Variants in FGD4 observed in about 807,000 individuals in gnomAD.
The protein encoded by FGD4 is FYVE, RhoGEF and PH domain containing 4.
A neutral mutation model predicts 102.0 loss-of-function variants in FGD4; 42 were observed. The ratio of observed to expected loss-of-function variants is 0.41; its 90% CI spans 0.32 to 0.53. FGD4 has a LOEUF of 0.53. Among genes scored for constraint, FGD4 ranks in the 20% least tolerant of loss-of-function variants. The probability of loss-of-function intolerance (pLI) is 0.21; values close to 1 mark genes in which losing one functional copy is unlikely to be tolerated. For missense variants in FGD4, 902 were observed against 1,078.2 expected (o/e 0.84, Z 2.29); for synonymous variants, 380 against 375.7 (o/e 1.01, Z -0.13).
chr12:32,436,331 CCT>C (rs1409370296), intron 1 of FGD4, among the ~76,000 whole-genome samples: 1 of 152,126 alleles, frequency 6.6e-6, no homozygotes, highest in East Asian at 1.9e-4. Context: ...TTCAGGAACA[CCT>C]GTATCTTTTC....
intron 2 of FGD4, among the ~76,000 whole-genome samples, chr12:32,566,215 G>T (rs546830536): frequency 5.1e-4 from 78 of 152,118 alleles, no homozygotes; most frequent in Non-Finnish European, 1.0e-3. Flanking sequence ...TAACCTCACA[G>T]GGTGGAAGGG....
chr12:32,555,644 T>C (rs1396665774), intron 1 of FGD4, among the ~76,000 whole-genome samples: 1 of 146,020 alleles, frequency 6.8e-6, no homozygotes, highest in Non-Finnish European at 1.5e-5. Flanking sequence ...CCATCTCGGC[T>C]CACTGCAAGC....
At chr12:32,606,984 G>A (rs1948822535) in intron 7 of FGD4, among the ~76,000 whole-genome samples, 1 of 152,118 alleles carries the variant, frequency 6.6e-6, no homozygotes, top group African/African-American at 2.4e-5. Context: ...TAAGTTCAAA[G>A]GCAATGACAT....
At chr12:32,479,889 A>G (rs957643274) in intron 1 of FGD4, among the ~76,000 whole-genome samples, 2 of 149,178 alleles carry the variant, frequency 1.3e-5, no homozygotes, top group Non-Finnish European at 3.0e-5. Context: ...CCCAAGTTCA[A>G]GTGATTCTCC....
At chr12:32,482,899 A>C (rs1246699974) in intron 1 of FGD4, among the ~76,000 whole-genome samples, 1 of 152,200 alleles carries the variant, frequency 6.6e-6, no homozygotes, top group Non-Finnish European at 1.5e-5. Flanking sequence ...CTGGAAAGTT[A>C]CTTTCTCAGT....
chr12:32,509,392 C>T (rs1469645547), intron 1 of FGD4, among the ~76,000 whole-genome samples: 2 of 151,700 alleles, frequency 1.3e-5, no homozygotes, highest in African/African-American at 2.4e-5. Flanking sequence ...TTAAGAAGTC[C>T]TCAGGTGGTT....
intron 1 of FGD4, among the ~76,000 whole-genome samples, chr12:32,543,400 C>T (rs1219424087): frequency 3.3e-5 from 5 of 152,084 alleles, no homozygotes; most frequent in Non-Finnish European, 7.4e-5. Context: ...AACTCAGTCT[C>T]CAGGCACTCT....
At chr12:32,497,903 C>T (rs1336805117) in intron 1 of FGD4, among the ~76,000 whole-genome samples, 1 of 152,168 alleles carries the variant, frequency 6.6e-6, no homozygotes, top group Admixed American at 6.5e-5. Context: ...TTTGCTACTT[C>T]AGCCTTTTTT....
At chr12:32,474,186 G>C (rs1591972534) in intron 1 of FGD4, among the ~76,000 whole-genome samples, 2 of 152,240 alleles carry the variant, frequency 1.3e-5, no homozygotes, top group East Asian at 3.9e-4. Flanking sequence ...TTGGAAAACA[G>C]TCTGGGTAGT....
intron 10 of FGD4, among the ~76,000 whole-genome samples, chr12:32,613,715 C>T (rs2133541): frequency 0.32 from 48,729 of 151,838 alleles, 7,931 homozygotes; most frequent in South Asian, 0.41. Context: ...CAAGGCTGCA[C>T]TGAGGTATGA....
rs542095355 is a variant in FGD4 at position 32,561,511 on chromosome 12, T to TA, written c.167-2619dup. ...TAGCTTGTTTTCAATAATTAAGGCT[T>TA]AAAAAAATCTCTGAGTTCTCTTTGA... is the stretch of plus-strand genomic sequence containing the variant. On this transcript the variant is annotated intron_variant, in intron 1 of 16. Transcript: ENST00000534526. Among the ~76,000 whole-genome samples, 7 of 152,324 alleles carry TA rather than the reference T, an allele frequency of 4.6e-5. No individual in the cohort carries two copies. In the South Asian group the frequency reaches 1.5e-3, roughly 32 times the overall value.
rs561358361 is a variant in FGD4 at position 32,642,521 on chromosome 12, C to T, written c.*1988C>T. 18 of 152,088 alleles carry T rather than the reference C, an allele frequency of 1.2e-4. No homozygotes were observed. The highest frequency in any genetic ancestry group is 4.3e-4 in the African/African-American group (18 of 41,516). The allele number at this position is 152,088 out of a possible 1,614,324, so 9.4% of individuals were successfully genotyped here. On this transcript the variant is annotated 3_prime_UTR_variant, in exon 17 of 17. Transcript: ENST00000534526. Reference sequence around the variant, plus strand: ...TATTTTTGAAAACTATTTTTAAAAGCAAGAAGACTACACTTTCCCTACCAA... The same window carrying T: ...TATTTTTGAAAACTATTTTTAAAAGTAAGAAGACTACACTTTCCCTACCAA...
chr12:32,412,555 T>C (rs1041629521), intron 1 of FGD4, among the ~76,000 whole-genome samples: 4 of 152,174 alleles, frequency 2.6e-5, no homozygotes, highest in Admixed American at 2.6e-4. Flanking sequence ...GGTGGAAGGA[T>C]TGCTTGAACC....
At chr12:32,620,696 T>A (rs901521318) in intron 11 of FGD4, among the ~76,000 whole-genome samples, 3 of 140,108 alleles carry the variant, frequency 2.1e-5, no homozygotes, top group Admixed American at 2.1e-4. Flanking sequence ...CTGGCTAATT[T>A]TTTTTTTTTT....
intron 11 of FGD4, among the ~76,000 whole-genome samples, chr12:32,620,564 T>C (rs537752923): frequency 7.1e-6 from 1 of 141,114 alleles, no homozygotes; most frequent in African/African-American, 2.6e-5. Context: ...TTCGCTCTCA[T>C]TGGCCAGACT....
At chr12:32,549,432 G>A (rs146556122) in intron 1 of FGD4, among the ~76,000 whole-genome samples, 121 of 152,116 alleles carry the variant, frequency 8.0e-4, no homozygotes, top group African/African-American at 2.7e-3. Flanking sequence ...CTTCCCCCTC[G>A]TCCTTCCATC....
intron 1 of FGD4, among the ~76,000 whole-genome samples, chr12:32,482,102 A>G (rs558315784): frequency 6.6e-6 from 1 of 152,366 alleles, no homozygotes; most frequent in South Asian, 2.1e-4. Context: ...TAGAATGGAT[A>G]AATTAAGCAT....
chr12:32,422,143 CAA>C (rs1273373298), intron 1 of FGD4, among the ~76,000 whole-genome samples: 33 of 113,292 alleles, frequency 2.9e-4, no homozygotes, highest in African/African-American at 8.7e-4. Context: ...GACTCTGTCT[CAA>C]AAAAAAAAAA....
intron 1 of FGD4, among the ~76,000 whole-genome samples, chr12:32,512,529 G>T (rs1040860473): frequency 1.3e-5 from 2 of 151,928 alleles, no homozygotes; most frequent in Admixed American, 1.3e-4. Context: ...TACATCACTT[G>T]GGACTCACAC....
Sources: allele counts gnomAD v4.1 joint callset (sites outside exome capture counted in the v4.1 genomes callset), GRCh38; gene constraint gnomAD v4.1.1; transcripts MANE v1.5; gene names NCBI Gene and HGNC (gene_info 2026-07-23, HGNC 2026-07-21).